The following EDEM2 variants were observed in gnomAD, a reference collection of about 807,000 sequenced individuals.
EDEM2 encodes the protein ER degradation-enhancing alpha-mannosidase-like protein 2.
A neutral mutation model predicts 64.8 loss-of-function variants in EDEM2; 39 were observed. The observed-to-expected ratio is 0.60, with a 90% CI of 0.47 to 0.79. The LOEUF (loss-of-function observed/expected upper bound fraction) is 0.79, where lower values mean the gene tolerates loss of function less well. Among genes scored for constraint, EDEM2 ranks in the 30% least tolerant of loss-of-function variants. The pLI, the probability that EDEM2 is intolerant of heterozygous loss-of-function variation, is 0.00. For synonymous variants in EDEM2, 296 were observed against 291.5 expected, an observed-to-expected ratio of 1.02 and a Z score of -0.16; for missense variants, 609 against 731.3, an observed-to-expected ratio of 0.83 and a Z score of 1.93.
chr20:35,141,034 C>T (rs1355921544), intron 4 of EDEM2, among the ~76,000 whole-genome samples: 1 of 149,664 alleles, frequency 6.7e-6, no homozygotes, highest in Non-Finnish European at 1.5e-5. Flanking sequence ...ACAGGAGAAT[C>T]GCCTGAACCC....
intron 10 of EDEM2, among the ~76,000 whole-genome samples, chr20:35,116,965 G>T (rs1030051435): frequency 2.6e-5 from 4 of 151,898 alleles, no homozygotes; most frequent in African/African-American, 9.7e-5. Context: ...AATTTTTTTT[G>T]TATTTTTAGT....
rs770765592 is a variant in EDEM2 at position 35,142,388 on chromosome 20, C to T, written c.349G>A (p.Glu117Lys). Residue 117 changes from glutamate (E) to lysine (K), a missense_variant, in exon 4 of 11, where the codon GAA becomes AAA. Glu to Lys is a moderately conservative substitution (Grantham distance 56). Coordinates refer to ENST00000374492, the MANE Select transcript of EDEM2 (RefSeq NM_018217.3). ...CAGCCCTTACCTCGAATGTTTGTTT[C>T]AAACACAGAGGCGTTCACATCAATA... is the stretch of plus-strand genomic sequence containing the variant. The part of the protein sequence containing the change: ...FDIDVNASVF[E>K]TNIRVVGGLL... The T allele has an allele frequency of 1.4e-5, 22 of 1,613,688 alleles. No homozygotes were observed. Among genetic ancestry groups the T allele is most frequent in the Non-Finnish European group, 1.4e-5 (17 of 1,179,824 alleles).
intron 6 of EDEM2, among the ~76,000 whole-genome samples, chr20:35,133,051 G>C (rs562598086): frequency 6.6e-6 from 1 of 152,296 alleles, no homozygotes; most frequent in Admixed American, 6.5e-5. Context: ...GGCATTTAAG[G>C]GGTATGCCAT....
chr20:35,122,658 G>A (rs1193601384), intron 9 of EDEM2, among the ~76,000 whole-genome samples: 1 of 152,264 alleles, frequency 6.6e-6, no homozygotes, highest in African/African-American at 2.4e-5. Context: ...ACAGGCGTGA[G>A]CCACCATGCC....
rs995175585 is a variant in EDEM2, at chr20:35,134,339, T to C, written c.702+399A>G. ...TAATTGGCCAAGACTCATTTTTTCA[T>C]GCAACTGCCACTCAGTATCTCTCAG... On this transcript the variant is annotated intron_variant, in intron 6 of 10. Transcript: ENST00000374492. 7.9e-5 allele frequency among the ~76,000 whole-genome samples: 12 copies of C among 152,202 alleles called. 1 individual carries two copies. Among genetic ancestry groups the C allele is most frequent in the Admixed American group, 7.2e-4 (11 of 15,272 alleles).
At chr20:35,137,175 T>C (rs1210264945) in intron 5 of EDEM2, among the ~76,000 whole-genome samples, 1 of 152,108 alleles carries the variant, frequency 6.6e-6, no homozygotes, top group Non-Finnish European at 1.5e-5. Flanking sequence ...CCCAGCACTT[T>C]GGGAGGCCGA....
intron 4 of EDEM2, among the ~76,000 whole-genome samples, chr20:35,141,204 A>T (rs1318479903): frequency 6.6e-6 from 1 of 152,092 alleles, no homozygotes; most frequent in Non-Finnish European, 1.5e-5. Flanking sequence ...CAGTAATTAC[A>T]GTAAATGTAA....
At position 35,147,197 on chromosome 20, in the gene EDEM2, C is replaced by T. The variant is rs552067492; in HGVS notation, c.62G>A (p.Gly21Asp). Residue 21 changes from glycine (G) to aspartate (D), a missense_variant, in exon 1 of 11, where the codon GGT becomes GAT. Transcript: ENST00000374492. Reference protein sequence around the residue: ...LLCALLPQHHGAPGPDGSAPD... With the variant: ...LLCALLPQHHDAPGPDGSAPD... ...CGCGGAGCCGTCGGGACCTGGCGCA[C>T]CATGGTGCTGAGGCAGCAGCGCGCA... 3.1e-6 allele frequency: 5 copies of T among 1,603,984 alleles called. No individual in the cohort carries two copies. In the African/African-American group the frequency reaches 4.0e-5, roughly 13 times the overall value.
intron 6 of EDEM2, among the ~76,000 whole-genome samples, chr20:35,133,101 C>A (rs1569179676): frequency 6.6e-6 from 1 of 152,160 alleles, no homozygotes; most frequent in Non-Finnish European, 1.5e-5. Context: ...TTCAATCTTG[C>A]TGGGGAGCTT....
chr20:35,125,957 G>A (rs766127401), intron 8 of EDEM2, among the ~76,000 whole-genome samples: 28 of 152,016 alleles, frequency 1.8e-4, no homozygotes, highest in Admixed American at 1.7e-3. Context: ...GGACAGAAAC[G>A]CCCAGTGGAG....
intron 6 of EDEM2, among the ~76,000 whole-genome samples, chr20:35,132,245 G>A (rs957429287): frequency 2.0e-5 from 3 of 151,514 alleles, no homozygotes; most frequent in East Asian, 1.9e-4. Flanking sequence ...GAGAGAAACC[G>A]AATAGCTGGA....
intron 9 of EDEM2, among the ~76,000 whole-genome samples, chr20:35,120,593 C>CTTTTT (rs5841194): frequency 2.1e-5 from 2 of 95,078 alleles, no homozygotes; most frequent in African/African-American, 4.0e-5. Context: ...TCGGCTTCTT[C>CTTTTT]TTTTTTTTTT....
intron 4 of EDEM2, among the ~76,000 whole-genome samples, chr20:35,140,593 T>C (rs1362769640): frequency 6.6e-6 from 1 of 152,186 alleles, no homozygotes; most frequent in African/African-American, 2.4e-5. Flanking sequence ...AATATATAAC[T>C]GTAGCATATA....
rs2085554572 is a variant in EDEM2, at chr20:35,134,879, G to A, written c.561C>T (p.Thr187=). 1.4e-5 allele frequency: 23 copies of A among 1,614,150 alleles called. No individual in the cohort carries two copies. The highest frequency in any genetic ancestry group is 1.9e-5 in the Non-Finnish European group (22 of 1,180,036). The part of the protein sequence containing the change: ...NLLHGVNPGE[T]PVTCTAGIGT... ...CAATCCCTGCCGTACAGGTGACAGG[G>A]GTCTCTCCTGGGTTCACGCCATGAA... Residue 187 remains threonine, a synonymous_variant, in exon 6 of 11, where the codon ACC becomes ACT. Coordinates refer to ENST00000374492, the MANE Select transcript of EDEM2 (RefSeq NM_018217.3).
chr20:35,129,738 C>T (rs2085483433), intron 7 of EDEM2, among the ~76,000 whole-genome samples: 1 of 152,140 alleles, frequency 6.6e-6, no homozygotes, highest in Non-Finnish European at 1.5e-5. Flanking sequence ...GTCCTGTGAA[C>T]TTCATTCATG....
chr20:35,132,621 T>C (rs1020087511), intron 6 of EDEM2, among the ~76,000 whole-genome samples: 1 of 152,000 alleles, frequency 6.6e-6, no homozygotes, highest in Non-Finnish European at 1.5e-5. Flanking sequence ...GCCACTGCAC[T>C]CCAGCCTGGG....
intron 10 of EDEM2, among the ~76,000 whole-genome samples, chr20:35,118,103 T>C (rs1315325609): frequency 6.6e-6 from 1 of 152,110 alleles, no homozygotes; most frequent in Non-Finnish European, 1.5e-5. Flanking sequence ...GTAAGCTCCA[T>C]GAGAGCAAGG....
intron 9 of EDEM2, among the ~76,000 whole-genome samples, 195 bp from the exon 10 acceptor site, chr20:35,118,914 A>G (rs999434494): frequency 1.3e-5 from 2 of 152,260 alleles, no homozygotes; most frequent in East Asian, 3.8e-4. Context: ...GGAGACCAGC[A>G]TTAAGGCTGA....
In EDEM2 at chr20:35,134,819, G is replaced by A; in HGVS notation, c.621C>T (p.Ser207=). 1.2e-6 allele frequency: 2 copies of A among 1,614,132 alleles called. No individual in the cohort carries two copies. Among genetic ancestry groups the A allele is most frequent in the Admixed American group, 3.3e-5 (2 of 60,012 alleles). Residue 207 remains serine, a synonymous_variant, in exon 6 of 11, where the codon AGC becomes AGT. Coordinates refer to ENST00000374492, the MANE Select transcript of EDEM2 (RefSeq NM_018217.3). The part of the protein sequence containing the change: ...TFIVEFATLS[S]LTGDPVFEDV... ...CTTCGAACACCGGGTCACCAGTGAG[G>A]CTGCTCAGGGTGGCAAATTCAACAA...
Sources: gnomAD v4.1 joint callset for allele counts (sites outside exome capture counted in the v4.1 genomes callset) on GRCh38, gnomAD v4.1.1 for gene constraint, MANE v1.5 for transcripts, NCBI Gene and HGNC (gene_info 2026-07-23, HGNC 2026-07-21) for gene names.